VPS13D: variants seen among roughly 807,000 people sequenced by gnomAD.
VPS13D encodes the protein vacuolar protein sorting 13 homolog D.
Under a neutral mutation model 461.9 loss-of-function variants are expected in VPS13D, and 187 were observed. The observed-to-expected ratio is 0.40, with a 90% CI of 0.36 to 0.46. The LOEUF is 0.46. VPS13D is among the 20% of genes least tolerant of loss of function. The pLI is 0.60. For synonymous variants in VPS13D, 1,951 were observed against 1,986.3 expected (o/e 0.98, Z 0.47); for missense variants, 4,711 against 5,364.9 (o/e 0.88, Z 3.81).
chr1:12,388,622 G>A (rs1333671582), intron 60 of VPS13D, among the ~76,000 whole-genome samples: 1 of 150,836 alleles, frequency 6.6e-6, no homozygotes, highest in South Asian at 2.1e-4. Flanking sequence ...TCCAAGAGAA[G>A]GCAGAAAACA....
At chr1:12,404,394 C>G (rs1026501223) in intron 63 of VPS13D, among the ~76,000 whole-genome samples, 12 of 152,170 alleles carry the variant, frequency 7.9e-5, no homozygotes, top group African/African-American at 2.7e-4. Flanking sequence ...TCCTACTTCT[C>G]TCTTCCTAAG....
intron 61 of VPS13D, among the ~76,000 whole-genome samples, chr1:12,400,940 T>G (rs1644566985): frequency 7.7e-6 from 1 of 129,932 alleles, no homozygotes; most frequent in South Asian, 2.5e-4. Context: ...GGTGATAGAG[T>G]GAGATGTGCA....
intron 25 of VPS13D, among the ~76,000 whole-genome samples, chr1:12,303,423 G>A (rs1054615927): frequency 1.3e-5 from 2 of 152,154 alleles, no homozygotes; most frequent in Admixed American, 1.3e-4. Flanking sequence ...ACTACAGAGA[G>A]GATGTAGAGA....
At position 12,382,986 on chromosome 1, in the gene VPS13D, G is replaced by T; in HGVS notation, c.11201G>T (p.Gly3734Val). 6.2e-7 allele frequency: 1 copy of T among 1,613,486 alleles called. No homozygotes were observed. Among genetic ancestry groups the T allele is most frequent in the Non-Finnish European group, 8.5e-7 (1 of 1,179,808 alleles). The change falls in exon 58 of 70, where the codon GGA becomes GTA. Residue 3734 changes from glycine (G) to valine (V), a missense_variant. By Grantham distance (109) the Gly-to-Val change is moderately radical. Transcript: ENST00000620676. ...LHGLVVQAKG[G>V]LSGLFDGAEV... ...TCCAATGTCTTTTAGGCCAAAGGAG[G>T]ACTTTCTGGTTTGTTTGATGGAGCT...
At chr1:12,236,600 C>G (rs919438759) in intron 2 of VPS13D, among the ~76,000 whole-genome samples, 9 of 152,112 alleles carry the variant, frequency 5.9e-5, no homozygotes, top group Admixed American at 5.9e-4. Flanking sequence ...TCAGGCAGCT[C>G]TTGAACTCCT....
chr1:12,497,542 G>C lies in VPS13D; in HGVS notation c.12705G>C (p.Gly4235=). 1 of 1,614,108 alleles carries C rather than the reference G, an allele frequency of 6.2e-7. No individual in the cohort carries two copies. Among genetic ancestry groups the C allele is most frequent in the East Asian group, 2.2e-5 (1 of 44,868 alleles). Residue 4235 remains glycine (G), a synonymous_variant, in exon 68 of 70, where the codon GGG becomes GGC. Transcript: ENST00000620676. The part of the protein sequence containing the change: ...QRVRKPRCCT[G]PQGLLPRYSE... ...TTCGGAAACCGCGTTGCTGCACGGG[G>C]CCCCAGGGGCTGCTTCCCCGATATT...
intron 54 of VPS13D, among the ~76,000 whole-genome samples, chr1:12,372,364 GGTTTTGTTTT>G (rs375498036): frequency 3.9e-5 from 6 of 151,940 alleles, no homozygotes; most frequent in African/African-American, 1.2e-4. Flanking sequence ...TGCCAGGCCT[GGTTTTGTTTT>G]GTTTTGTTTT....
intron 63 of VPS13D, chr1:12,407,396 G>T (rs540940719): frequency 2.6e-5 from 4 of 152,230 alleles, no homozygotes; most frequent in Admixed American, 6.5e-5. Context: ...CAGTTTTCGC[G>T]TGGGGAGGTA....
intron 65 of VPS13D, among the ~76,000 whole-genome samples, chr1:12,421,262 C>T (rs181798391): frequency 2.0e-5 from 3 of 152,282 alleles, no homozygotes; most frequent in East Asian, 1.9e-4. Flanking sequence ...TAGCCCTTAG[C>T]GGAACTTCAA....
Position 12,386,349 on chromosome 1 carries a change from C to T in VPS13D, c.11634+15C>T, listed in dbSNP as rs1349908057. 6.3e-7 allele frequency: 1 copy of T among 1,580,618 alleles called. No homozygotes were observed. Among genetic ancestry groups the T allele is most frequent in the Non-Finnish European group, 8.6e-7 (1 of 1,165,174 alleles). On this transcript the variant is annotated intron_variant, in intron 60 of 69. Coordinates refer to ENST00000620676, the MANE Select transcript of VPS13D (RefSeq NM_015378.4). ...AGGATGTACAGGTAAGGGGGAAGTT[C>T]CAAAGCTGTTAGTCACCTTGTTTTC...
At chr1:12,506,830 T>C in intron 68 of VPS13D, 23 bp from the exon 69 acceptor site, 1 of 1,609,986 alleles carries the variant, frequency 6.2e-7, no homozygotes, top group Non-Finnish European at 8.5e-7. Context: ...GTGTCACTCC[T>C]GTGTTCCCGT....
chr1:12,386,351 A>G lies in VPS13D; in HGVS notation c.11634+17A>G, dbSNP rs1202805391. The G allele has an allele frequency of 2.5e-6, 4 of 1,580,786 alleles. No individual in the cohort carries two copies. Among genetic ancestry groups the G allele is most frequent in the Admixed American group, 3.7e-5 (2 of 53,982 alleles). On this transcript the variant is annotated intron_variant, in intron 60 of 69. Transcript: ENST00000620676. ...GATGTACAGGTAAGGGGGAAGTTCC[A>G]AAGCTGTTAGTCACCTTGTTTTCAT...
intron 46 of VPS13D, among the ~76,000 whole-genome samples, chr1:12,349,798 T>G (rs1643756791): frequency 6.6e-6 from 1 of 152,214 alleles, no homozygotes; most frequent in Non-Finnish European, 1.5e-5. Context: ...CTGACTTTCT[T>G]GAGAACTTTG....
intron 65 of VPS13D, among the ~76,000 whole-genome samples, chr1:12,427,099 TAG>T (rs1314850235): frequency 1.3e-5 from 2 of 152,064 alleles, no homozygotes; most frequent in Non-Finnish European, 2.9e-5. Context: ...CAATATGATT[TAG>T]AGTTTCATCA....
At chr1:12,499,944 A>G in intron 68 of VPS13D, 2 of 985,408 alleles carry the variant, frequency 2.0e-6, no homozygotes, top group Non-Finnish European at 1.2e-6. Flanking sequence ...ACATGTTTAA[A>G]GACCTAATTA....
chr1:12,306,332 A>T lies in VPS13D; in HGVS notation c.6439+1604A>T, dbSNP rs1056621460. Among the ~76,000 whole-genome samples the T allele has an allele frequency of 2.6e-5, 4 of 152,186 alleles. 1 individual carries two copies. In the South Asian group the frequency reaches 6.2e-4, roughly 24 times the overall value. ...GAAGAGTTGGACTACGAATTTTGGC[A>T]GTCTGACTCCAGAACCGAATTGTAA... On this transcript the variant is annotated intron_variant, in intron 26 of 69. Coordinates refer to ENST00000620676, the MANE Select transcript of VPS13D (RefSeq NM_015378.4).
intron 57 of VPS13D, 66 bp downstream of exon 57, chr1:12,379,662 A>G (rs138683522): frequency 1.8e-6 from 2 of 1,139,632 alleles, no homozygotes; most frequent in East Asian, 2.4e-5. Context: ...CAAAGTCTCT[A>G]CTAAGTTATA....
In VPS13D at chr1:12,244,316, C is replaced by T; in HGVS notation, c.246C>T (p.Ile82=). The T allele has an allele frequency of 6.2e-7, 1 of 1,614,018 alleles. No individual in the cohort carries two copies. The highest frequency in any genetic ancestry group is 2.2e-5 in the East Asian group (1 of 44,900). Reference sequence around the variant, plus strand: ...ATGTGGACCCTTGGGTGATCTCCATCTCCAGCCTTCACTTAATTGGAGCCC... The same window carrying T: ...ATGTGGACCCTTGGGTGATCTCCATTTCCAGCCTTCACTTAATTGGAGCCC... ...RPHVDPWVIS[I]SSLHLIGAPE... Residue 82 remains isoleucine (I), a synonymous_variant, in exon 4 of 70, where the codon ATC becomes ATT. Coordinates refer to ENST00000620676, the MANE Select transcript of VPS13D (RefSeq NM_015378.4).
intron 38 of VPS13D, among the ~76,000 whole-genome samples, chr1:12,334,868 G>C (rs1643411655): frequency 6.6e-6 from 1 of 152,258 alleles, no homozygotes; most frequent in South Asian, 2.1e-4. Flanking sequence ...ATACTATACT[G>C]AAACCCAGAA....
Sources: allele counts gnomAD v4.1 joint callset (sites outside exome capture counted in the v4.1 genomes callset), GRCh38; gene constraint gnomAD v4.1.1; transcripts MANE v1.5; gene names NCBI Gene and HGNC (gene_info 2026-07-23, HGNC 2026-07-21).